COBL: variants seen among roughly 807,000 people sequenced by gnomAD.
COBL encodes the protein cordon-bleu WH2 repeat protein, also known as protein cordon-bleu.
A neutral mutation model predicts 98.8 loss-of-function variants in COBL; 51 were observed. That is an observed-to-expected ratio of 0.52 (90% CI 0.41 to 0.65). The LOEUF (loss-of-function observed/expected upper bound fraction) is 0.65. COBL is among the 30% of genes least tolerant of loss of function. The pLI is 0.00. For synonymous variants in COBL, 634 were observed against 651.7 expected, an observed-to-expected ratio of 0.97 and a Z score of 0.41; for missense variants, 1,617 against 1,617.5, an observed-to-expected ratio of 1.00 and a Z score of 0.01.
intron 6 of COBL, among the ~76,000 whole-genome samples, chr7:51,126,934 T>C (rs1798269894): frequency 6.6e-6 from 1 of 152,120 alleles, no homozygotes. Context: ...CTTAGCTGTC[T>C]GACATTGAGG....
At chr7:51,088,807 T>C (rs1794529574) in intron 6 of COBL, among the ~76,000 whole-genome samples, 1 of 152,232 alleles carries the variant, frequency 6.6e-6, no homozygotes, top group African/African-American at 2.4e-5. Context: ...CTCGGCCATC[T>C]TCTGCACAGG....
chr7:51,024,848 C>T (rs576868723), intron 12 of COBL, among the ~76,000 whole-genome samples: 6 of 152,262 alleles, frequency 3.9e-5, no homozygotes, highest in Admixed American at 6.5e-5. Context: ...GTTTAGATTC[C>T]ACCTGTCATC....
chr7:51,109,673 T>C (rs552024408), intron 6 of COBL, among the ~76,000 whole-genome samples: 3 of 152,246 alleles, frequency 2.0e-5, no homozygotes, highest in South Asian at 2.1e-4. Context: ...TCAAAAATTT[T>C]ACTAAAAAAA....
At chr7:51,068,858 G>A (rs907659852) in intron 7 of COBL, among the ~76,000 whole-genome samples, 3 of 152,060 alleles carry the variant, frequency 2.0e-5, no homozygotes, top group African/African-American at 7.2e-5. Context: ...GAAGCTAAAC[G>A]TCTCAATTTA....
intron 1 of COBL, among the ~76,000 whole-genome samples, chr7:51,299,544 T>C (rs1415310013): frequency 6.6e-6 from 1 of 152,112 alleles, no homozygotes. Flanking sequence ...TCAAACCCAG[T>C]TGGCGCTCTC....
chr7:51,282,775 A>G (rs1799922536), intron 1 of COBL, among the ~76,000 whole-genome samples: 1 of 152,124 alleles, frequency 6.6e-6, no homozygotes, highest in Non-Finnish European at 1.5e-5. Flanking sequence ...AACACTAACC[A>G]AGATAGACAA....
At chr7:51,302,237 A>T (rs1240807597) in intron 1 of COBL, among the ~76,000 whole-genome samples, 1 of 152,216 alleles carries the variant, frequency 6.6e-6, no homozygotes, top group Non-Finnish European at 1.5e-5. Flanking sequence ...TTTTGTAAGA[A>T]ATTCTACTGC....
intron 5 of COBL, among the ~76,000 whole-genome samples, chr7:51,152,706 T>C (rs1785683513): frequency 6.6e-6 from 1 of 152,206 alleles, no homozygotes. Context: ...AAACTAAAAG[T>C]GGTTTCATAT....
intron 8 of COBL, among the ~76,000 whole-genome samples, chr7:51,043,125 A>T (rs1179409022): frequency 6.6e-6 from 1 of 152,254 alleles, no homozygotes; most frequent in Non-Finnish European, 1.5e-5. Flanking sequence ...TCTTACAAAC[A>T]TGATATTGAG....
chr7:51,037,132 T>C (rs1301092583), intron 8 of COBL, among the ~76,000 whole-genome samples: 1 of 152,192 alleles, frequency 6.6e-6, no homozygotes, highest in Non-Finnish European at 1.5e-5. Flanking sequence ...TGTGTCTATT[T>C]ATCTATTTTT....
chr7:51,261,350 C>T (rs1797703138), intron 1 of COBL, among the ~76,000 whole-genome samples: 1 of 152,202 alleles, frequency 6.6e-6, no homozygotes, highest in African/African-American at 2.4e-5. Context: ...CCCACTAGAA[C>T]ATAATGTGTC....
chr7:51,132,837 C>A (rs1262638721), intron 6 of COBL, among the ~76,000 whole-genome samples: 2 of 151,970 alleles, frequency 1.3e-5, no homozygotes, highest in African/African-American at 4.8e-5. Flanking sequence ...GAGGGGCTGC[C>A]ACACACTTTT....
In COBL at chr7:51,219,918, G is replaced by A; in HGVS notation, c.68C>T (p.Pro23Leu). The change falls in exon 2 of 13, where the codon CCA becomes CTA. Residue 23 changes from proline (P) to leucine (L), a missense_variant. This residue lies in a region of COBL where 238 missense variants were observed against 215.0 expected (regional missense o/e 1.11). Transcript: ENST00000265136. ...TGRKMKARAP[P>L]PPGKAATLHV... ...CAGAGTGGCAGCCTTTCCAGGAGGTGGGGGAGCACGAGCCTTCATCTTCCT... is the reference window on the plus strand; with the variant it reads ...CAGAGTGGCAGCCTTTCCAGGAGGTAGGGGAGCACGAGCCTTCATCTTCCT... 6.2e-7 allele frequency: 1 copy of A among 1,611,340 alleles called. No individual in the cohort carries two copies. Among genetic ancestry groups the A allele is most frequent in the East Asian group, 2.2e-5 (1 of 44,850 alleles).
intron 1 of COBL, among the ~76,000 whole-genome samples, chr7:51,227,813 G>C (rs1049364058): frequency 2.0e-5 from 3 of 152,148 alleles, no homozygotes; most frequent in Non-Finnish European, 4.4e-5. Flanking sequence ...GAGGAGAAGA[G>C]CTATCAGAGG....
rs538756162 is a variant in COBL at position 51,065,168 on chromosome 7, A to G, written c.1096+19998T>C. On this transcript the variant is annotated intron_variant, in intron 7 of 12. Transcript: ENST00000265136. ...ATTAGGGATTGTCTCCCAAATGCCA[A>G]TATTTCAGAGGTAGGTAAGACACAA... is the stretch of plus-strand genomic sequence containing the variant. 3.7e-4 allele frequency: 257 copies of G among 702,370 alleles called. 1 individual carries two copies. Among genetic ancestry groups the G allele is most frequent in the South Asian group, 3.1e-3 (207 of 67,564 alleles). 43.5% of individuals were successfully genotyped at this position (702,370 alleles called of 1,614,324 possible).
chr7:51,132,438 A>G (rs1370858428), intron 6 of COBL, among the ~76,000 whole-genome samples: 2 of 152,182 alleles, frequency 1.3e-5, no homozygotes, highest in Non-Finnish European at 2.9e-5. Context: ...TACTGTTCCC[A>G]TTTTACAGAG....
At chr7:51,200,597 T>G (rs1791024560) in intron 2 of COBL, among the ~76,000 whole-genome samples, 1 of 152,140 alleles carries the variant, frequency 6.6e-6, no homozygotes, top group Non-Finnish European at 1.5e-5. Context: ...GTAAACTCTA[T>G]GGTAACCACA....
intron 1 of COBL, among the ~76,000 whole-genome samples, chr7:51,276,403 G>A (rs1799316598): frequency 6.6e-6 from 1 of 152,240 alleles, no homozygotes; most frequent in African/African-American, 2.4e-5. Flanking sequence ...GAGTCACCCT[G>A]TGGAAGCTCC....
At chr7:51,130,089 G>T (rs146997355) in intron 6 of COBL, among the ~76,000 whole-genome samples, 1 of 152,278 alleles carries the variant, frequency 6.6e-6, no homozygotes, top group African/African-American at 2.4e-5. Context: ...ACAGGTTGAT[G>T]TGGTTGATGT....
Sources: gnomAD v4.1 joint callset for allele counts (sites outside exome capture counted in the v4.1 genomes callset) on GRCh38, gnomAD v4.1.1 for gene constraint, gnomAD v4.1.1 regional missense constraint, MANE v1.5 for transcripts, NCBI Gene and HGNC (gene_info 2026-07-23, HGNC 2026-07-21) for gene names.